The following CLVS1 variants were observed in gnomAD, a reference collection of about 807,000 sequenced individuals.
CLVS1 encodes the protein clavesin 1.
A neutral mutation model predicts 33.1 loss-of-function variants in CLVS1; 10 were observed. The ratio of observed to expected loss-of-function variants is 0.30; its 90% CI spans 0.19 to 0.51. The LOEUF (loss-of-function observed/expected upper bound fraction) is 0.51, where lower values mean the gene tolerates loss of function less well. Among genes scored for constraint, CLVS1 ranks in the 20% least tolerant of loss-of-function variants. The pLI is 0.97. For missense variants in CLVS1, 343 were observed against 433.4 expected, an observed-to-expected ratio of 0.79 and a Z score of 1.85; for synonymous variants, 163 against 166.1, an observed-to-expected ratio of 0.98 and a Z score of 0.14.
chr8:61,490,189 C>T (rs1339963186), intron 5 of CLVS1, among the ~76,000 whole-genome samples: 1 of 151,528 alleles, frequency 6.6e-6, no homozygotes, highest in Non-Finnish European at 1.5e-5. Flanking sequence ...GTGGTGCACT[C>T]CTGTAGTCCC....
At chr8:61,114,198 C>T (rs576483327) in intron 1 of CLVS1, among the ~76,000 whole-genome samples, 42 of 152,196 alleles carry the variant, frequency 2.8e-4, no homozygotes, top group Non-Finnish European at 5.7e-4. Flanking sequence ...ATGCAAAAAT[C>T]ATCCTTAGTT....
chr8:61,269,495 T>C (rs1267795903), intron 2 of CLVS1, among the ~76,000 whole-genome samples: 2,031 of 152,230 alleles, frequency 0.013, 15 homozygotes, highest in Non-Finnish European at 0.016. Context: ...GACTTGGCGA[T>C]GCGGACTCTT....
the CLVS1 span, among the ~76,000 whole-genome samples, chr8:61,046,720 G>T: frequency 0.051 from 7,753 of 151,870 alleles, 253 homozygotes; most frequent in South Asian, 0.14. Flanking sequence ...TTGTAAGTTG[G>T]ATTCCTAGGT....
At chr8:61,124,217 G>A (rs561837681) in intron 1 of CLVS1, among the ~76,000 whole-genome samples, 1 of 152,252 alleles carries the variant, frequency 6.6e-6, no homozygotes, top group African/African-American at 2.4e-5. Flanking sequence ...ATCCAGTGTG[G>A]TTGAGTTTTA....
chr8:61,364,312 G>T (rs1440633545), intron 2 of CLVS1, among the ~76,000 whole-genome samples: 1 of 152,178 alleles, frequency 6.6e-6, no homozygotes, highest in African/African-American at 2.4e-5. Context: ...AGCTGTGGAA[G>T]TCACAGCAGC....
chr8:61,109,786 G>A (rs1805595135), intron 1 of CLVS1, among the ~76,000 whole-genome samples: 1 of 152,098 alleles, frequency 6.6e-6, no homozygotes, highest in South Asian at 2.1e-4. Flanking sequence ...GAGAGGAACT[G>A]GTGGTTTTAT....
At chr8:61,265,351 G>T (rs1031407910) in intron 2 of CLVS1, among the ~76,000 whole-genome samples, 31 of 152,184 alleles carry the variant, frequency 2.0e-4, no homozygotes, top group Non-Finnish European at 7.3e-5. Context: ...TTAGCTTGGT[G>T]ACTTTGGATC....
At chr8:61,232,162 G>T (rs761954068) in intron 2 of CLVS1, among the ~76,000 whole-genome samples, 1 of 145,218 alleles carries the variant, frequency 6.9e-6, no homozygotes, top group African/African-American at 2.5e-5. Context: ...AGCCTCCCAC[G>T]TAGCTGGGAC....
chr8:61,028,990 C>A, the CLVS1 span, among the ~76,000 whole-genome samples: 1 of 152,210 alleles, frequency 6.6e-6, no homozygotes, highest in Non-Finnish European at 1.5e-5. Context: ...GAACACACAT[C>A]TGTAAATCCC....
At chr8:61,371,507 A>G (rs916975184) in intron 2 of CLVS1, among the ~76,000 whole-genome samples, 1 of 152,150 alleles carries the variant, frequency 6.6e-6, no homozygotes, top group African/African-American at 2.4e-5. Flanking sequence ...GTGATTTCAG[A>G]ATTGACTAAG....
the CLVS1 span, among the ~76,000 whole-genome samples, chr8:61,029,882 A>G: frequency 3.3e-5 from 5 of 152,256 alleles, no homozygotes; most frequent in Non-Finnish European, 5.9e-5. Flanking sequence ...CATCAGGGTG[A>G]TTTTATAGCT....
chr8:61,065,321 G>A (rs1271907454), intron 1 of CLVS1, among the ~76,000 whole-genome samples: 2 of 152,194 alleles, frequency 1.3e-5, no homozygotes, highest in African/African-American at 2.4e-5. Context: ...TGTATGTTCA[G>A]TACAGATACA....
intron 1 of CLVS1, among the ~76,000 whole-genome samples, chr8:61,073,497 T>C (rs1256728956): frequency 6.6e-6 from 1 of 152,230 alleles, no homozygotes; most frequent in African/African-American, 2.4e-5. Flanking sequence ...GCAGTGATTC[T>C]TTGTAGAATC....
the CLVS1 span, among the ~76,000 whole-genome samples, chr8:61,008,371 A>C: frequency 2.0e-5 from 3 of 152,142 alleles, no homozygotes; most frequent in African/African-American, 7.2e-5. Context: ...ACTGTTAGAA[A>C]ATTTTTCTAA....
At chr8:61,451,772 C>G (rs1394196349) in intron 3 of CLVS1, among the ~76,000 whole-genome samples, 1 of 151,402 alleles carries the variant, frequency 6.6e-6, no homozygotes, top group Non-Finnish European at 1.5e-5. Context: ...CTGATTTTCC[C>G]TTCCCTCACC....
At chr8:61,014,313 C>A in the CLVS1 span, among the ~76,000 whole-genome samples, 1 of 152,170 alleles carries the variant, frequency 6.6e-6, no homozygotes, top group African/African-American at 2.4e-5. Flanking sequence ...CTCCTTTCTA[C>A]TCTGCACCCC....
At chr8:61,313,420 G>A (rs558923914) in intron 2 of CLVS1, among the ~76,000 whole-genome samples, 1 of 152,168 alleles carries the variant, frequency 6.6e-6, no homozygotes, top group Non-Finnish European at 1.5e-5. Context: ...GAGGAATTTG[G>A]GCTTTATCCT....
chr8:61,359,156 A>T (rs1294081795), intron 2 of CLVS1, among the ~76,000 whole-genome samples: 1 of 152,174 alleles, frequency 6.6e-6, no homozygotes, highest in African/African-American at 2.4e-5. Flanking sequence ...TTAAGCCCTC[A>T]TCATTCACAG....
the CLVS1 span, among the ~76,000 whole-genome samples, chr8:61,045,353 GTGTC>G: frequency 6.6e-6 from 1 of 152,178 alleles, no homozygotes; most frequent in Non-Finnish European, 1.5e-5. Flanking sequence ...GGCCCACAGA[GTGTC>G]TGCTTCACTG....
Sources: gnomAD v4.1 joint callset for allele counts (sites outside exome capture counted in the v4.1 genomes callset) on GRCh38, gnomAD v4.1.1 for gene constraint, MANE v1.5 for transcripts, NCBI Gene and HGNC (gene_info 2026-07-23, HGNC 2026-07-21) for gene names.